DACH2: variants seen among roughly 807,000 people sequenced by gnomAD.
DACH2 encodes the protein dachshund family transcription factor 2.
In DACH2, 17 loss-of-function variants were observed where a neutral mutation model predicts 35.8. The ratio of observed to expected loss-of-function variants is 0.48; its 90% confidence interval spans 0.33 to 0.71. DACH2 has a LOEUF of 0.71. DACH2 is among the 30% of genes least tolerant of loss of function. DACH2 has a pLI of 0.02. For missense variants in DACH2, 469 were observed against 472.7 expected, an observed-to-expected ratio of 0.99 and a Z score of 0.07; for synonymous variants, 195 against 177.3, an observed-to-expected ratio of 1.10 and a Z score of -0.79.
chrX:86,383,618 A>C (rs1043685886), intron 2 of DACH2, among the ~76,000 whole-genome samples: 2 of 102,393 alleles, frequency 2.0e-5, no homozygotes, highest in Non-Finnish European at 4.0e-5. Flanking sequence ...TAATATTACT[A>C]TAAAATATTT....
intron 4 of DACH2, among the ~76,000 whole-genome samples, chrX:86,687,413 G>GA (rs2040958248): frequency 1.8e-5 from 2 of 111,633 alleles, no homozygotes; most frequent in Admixed American, 1.9e-4. Flanking sequence ...AGAGGTTCTG[G>GA]AAAAATAGAA....
chrX:86,385,116 G>T (rs1031567950), intron 2 of DACH2, among the ~76,000 whole-genome samples: 1 of 111,621 alleles, frequency 9.0e-6, no homozygotes, highest in East Asian at 2.8e-4. Context: ...CAACAGATCT[G>T]TATTGTTTTG....
At chrX:86,282,864 G>T (rs1274702419) in intron 1 of DACH2, among the ~76,000 whole-genome samples, 1 of 36,118 alleles carries the variant, frequency 2.8e-5, no homozygotes, top group South Asian at 2.2e-3. Flanking sequence ...TGCAAGCTCC[G>T]CCTCCCGGGT....
intron 1 of DACH2, among the ~76,000 whole-genome samples, chrX:86,305,785 T>C (rs2034674341): frequency 9.1e-6 from 1 of 109,668 alleles, no homozygotes; most frequent in Non-Finnish European, 1.9e-5. Flanking sequence ...AAGACCTGAA[T>C]AGATATTTCT....
chrX:86,199,965 C>T (rs562269772), intron 1 of DACH2, among the ~76,000 whole-genome samples: 53 of 111,925 alleles, frequency 4.7e-4, no homozygotes, highest in South Asian at 1.5e-3. Context: ...TCATATGCAA[C>T]CAAAAATAGC....
chrX:86,265,493 C>T (rs1456275454), intron 1 of DACH2, among the ~76,000 whole-genome samples: 2 of 111,498 alleles, frequency 1.8e-5, no homozygotes, highest in Non-Finnish European at 3.8e-5. Context: ...CATTTCTCCT[C>T]GAATCATAGT....
chrX:86,808,144 C>T (rs1239307158), intron 7 of DACH2, among the ~76,000 whole-genome samples: 1 of 111,973 alleles, frequency 8.9e-6, no homozygotes, highest in Non-Finnish European at 1.9e-5. Context: ...CACTGTTTTC[C>T]TAAATAATGT....
At chrX:86,738,112 A>T (rs1487692209) in intron 6 of DACH2, among the ~76,000 whole-genome samples, 1 of 111,491 alleles carries the variant, frequency 9.0e-6, no homozygotes, top group Non-Finnish European at 1.9e-5. Context: ...GATTGGGTCC[A>T]CTAAGATAAT....
intron 7 of DACH2, among the ~76,000 whole-genome samples, chrX:86,764,217 C>T (rs2041910578): frequency 8.9e-6 from 1 of 111,919 alleles, no homozygotes; most frequent in Admixed American, 9.5e-5. Context: ...TTTTCTTTTC[C>T]TGTTTTTACA....
At chrX:86,243,150 G>A (rs976309364) in intron 1 of DACH2, among the ~76,000 whole-genome samples, 1 of 111,193 alleles carries the variant, frequency 9.0e-6, no homozygotes. Flanking sequence ...AGATGACATA[G>A]TGGTTACTAG....
intron 2 of DACH2, among the ~76,000 whole-genome samples, chrX:86,486,824 T>C (rs2038025304): frequency 8.9e-6 from 1 of 112,031 alleles, no homozygotes; most frequent in Admixed American, 9.5e-5. Context: ...CATGGAACTA[T>C]TTAGAGAATT....
At chrX:86,216,276 G>T (rs2032568831) in intron 1 of DACH2, among the ~76,000 whole-genome samples, 1 of 111,428 alleles carries the variant, frequency 9.0e-6, no homozygotes, top group Admixed American at 9.5e-5. Flanking sequence ...TGTTACATAG[G>T]TATACATGTG....
intron 4 of DACH2, among the ~76,000 whole-genome samples, chrX:86,653,581 G>A (rs1388547764): frequency 9.1e-6 from 1 of 109,849 alleles, no homozygotes; most frequent in Non-Finnish European, 1.9e-5. Flanking sequence ...ATTCAGTAAT[G>A]AATTCCCTCA....
At chrX:86,727,141 A>T in intron 6 of DACH2, among the ~76,000 whole-genome samples, 1 of 112,259 alleles carries the variant, frequency 8.9e-6, no homozygotes, top group Non-Finnish European at 1.9e-5. Context: ...TTATCAGAAT[A>T]TTTAACATTT....
intron 1 of DACH2, among the ~76,000 whole-genome samples, chrX:86,366,909 T>C (rs1315400085): frequency 9.0e-6 from 1 of 111,173 alleles, no homozygotes; most frequent in Non-Finnish European, 1.9e-5. Context: ...ATGTTTCTTG[T>C]ACAGCCTATA....
At chrX:86,567,785 A>C (rs1403541688) in intron 3 of DACH2, among the ~76,000 whole-genome samples, 1 of 111,046 alleles carries the variant, frequency 9.0e-6, no homozygotes, top group Non-Finnish European at 1.9e-5. Flanking sequence ...GAGTTTTTTA[A>C]AAGTCCACAC....
At chrX:86,600,298 A>AT (rs995106294) in intron 3 of DACH2, among the ~76,000 whole-genome samples, 100 of 111,926 alleles carry the variant, frequency 8.9e-4, no homozygotes, top group Admixed American at 1.7e-3. Context: ...ACCAATTATG[A>AT]TTTTTTCCCC....
At chrX:86,631,636 C>T (rs1231735493) in intron 3 of DACH2, among the ~76,000 whole-genome samples, 1 of 111,986 alleles carries the variant, frequency 8.9e-6, no homozygotes, top group African/African-American at 3.2e-5. Flanking sequence ...ACTGACTCAC[C>T]ATTACATTTA....
chrX:86,781,561 C>A (rs1031801652), intron 7 of DACH2, among the ~76,000 whole-genome samples: 1 of 111,331 alleles, frequency 9.0e-6, no homozygotes. Context: ...TCATATTAAG[C>A]AGCCAACTGT....
Sources: allele counts gnomAD v4.1 joint callset (sites outside exome capture counted in the v4.1 genomes callset), GRCh38; gene constraint gnomAD v4.1.1; transcripts MANE v1.5; gene names NCBI Gene and HGNC (gene_info 2026-07-23, HGNC 2026-07-21).